Variants in GCNT1 observed in about 807,000 individuals in gnomAD.
GCNT1 encodes the protein glucosaminyl (N-acetyl) transferase 1, also known as beta-1,3-galactosyl-O-glycosyl-glycoprotein beta-1,6-N-acetylglucosaminyltransferase.
GCNT1 carries 16 observed loss-of-function variants against 26.2 expected under a neutral mutation model. That is an observed-to-expected ratio of 0.61 (90% CI 0.41 to 0.93). The LOEUF (loss-of-function observed/expected upper bound fraction) is 0.93. GCNT1 is among the 40% of genes least tolerant of loss of function. The probability of loss-of-function intolerance (pLI) is 0.00; values close to 1 mark genes in which losing one functional copy is unlikely to be tolerated. For missense variants in GCNT1, 477 were observed against 526.7 expected (o/e 0.91, Z 0.92); for synonymous variants, 183 against 190.8 (o/e 0.96, Z 0.34).
At chr9:76,455,323 C>G (rs1362083476), upstream of GCNT1, among the ~76,000 whole-genome samples, 2 of 152,120 alleles carry the variant, frequency 1.3e-5, no homozygotes, top group African/African-American at 4.8e-5. Flanking sequence ...GAAGTTTGAT[C>G]AAGTAAGGTA....
At chr9:76,402,458 C>A in the GCNT1 span, among the ~76,000 whole-genome samples, 1 of 152,154 alleles carries the variant, frequency 6.6e-6, no homozygotes, top group African/African-American at 2.4e-5. Context: ...GTAAATTACT[C>A]ATCTGGTCTA....
At position 76,507,158 on chromosome 9, in the gene GCNT1, AG is replaced by A. The variant is rs1825259723; in HGVS notation, c.*3491del. 1 of 167,048 alleles carries A rather than the reference AG, an allele frequency of 6.0e-6. No individual in the cohort carries two copies. The highest frequency in any genetic ancestry group is 1.5e-5 in the Non-Finnish European group (1 of 68,110). 10.3% of individuals were successfully genotyped at this position (167,048 alleles called of 1,614,324 possible). On this transcript the variant is annotated 3_prime_UTR_variant, in exon 4 of 4. Transcript: ENST00000376730. ...GTTATTTACTGAATACTGTTGTGAA[AG>A]TGAAAAACAATGATTGTATGGGTAC...
At chr9:76,493,414 A>G (rs1369938344) in intron 2 of GCNT1, among the ~76,000 whole-genome samples, 2 of 152,178 alleles carry the variant, frequency 1.3e-5, no homozygotes, top group Non-Finnish European at 2.9e-5. Flanking sequence ...CATCTCTCCA[A>G]GTGAGATCAA....
intron 2 of GCNT1, among the ~76,000 whole-genome samples, chr9:76,487,054 C>G (rs1305669277): frequency 6.6e-6 from 1 of 152,212 alleles, no homozygotes; most frequent in Non-Finnish European, 1.5e-5. Context: ...AAGCAGCTCA[C>G]TGCAGGGAGT....
At chr9:76,462,976 C>A (rs1025267876) in intron 2 of GCNT1, among the ~76,000 whole-genome samples, 1 of 152,160 alleles carries the variant, frequency 6.6e-6, no homozygotes, top group African/African-American at 2.4e-5. Context: ...GAAAAATTAA[C>A]CTCTTTTTAG....
Position 76,504,825 on chromosome 9 carries a change from T to C in GCNT1, c.*1157T>C, listed in dbSNP as rs1825193579. On this transcript the variant is annotated 3_prime_UTR_variant, in exon 4 of 4. Transcript: ENST00000376730. Reference sequence around the variant, plus strand: ...CCTGGGTGGTAAGTTTCCTCCTTTCTCAACCTTCCACGAGGAGGAAAGAAG... The same window carrying C: ...CCTGGGTGGTAAGTTTCCTCCTTTCCCAACCTTCCACGAGGAGGAAAGAAG... 4.8e-6 allele frequency: 2 copies of C among 413,380 alleles called. No individual in the cohort carries two copies. Among genetic ancestry groups the C allele is most frequent in the Non-Finnish European group, 8.8e-6 (2 of 226,148 alleles). The allele number at this position is 413,380 out of a possible 1,614,324, so 25.6% of individuals were successfully genotyped here. A position where few individuals can be genotyped will look rare whatever the true frequency, so the allele number is the denominator to read the frequency against.
intron 1 of GCNT1, among the ~76,000 whole-genome samples, chr9:76,431,002 C>G (rs747336717): frequency 6.6e-6 from 1 of 152,080 alleles, no homozygotes; most frequent in Non-Finnish European, 1.5e-5. Flanking sequence ...CTTAAAGTAA[C>G]ATGCACACAC....
chr9:76,457,828 A>G (rs1823784565), upstream of GCNT1, among the ~76,000 whole-genome samples: 1 of 152,152 alleles, frequency 6.6e-6, no homozygotes, highest in African/African-American at 2.4e-5. Context: ...ATATTAAACA[A>G]AGCTAGCCAT....
chr9:76,425,720 G>T (rs1381193877), intron 1 of GCNT1, among the ~76,000 whole-genome samples: 2 of 152,104 alleles, frequency 1.3e-5, no homozygotes, highest in East Asian at 3.9e-4. Flanking sequence ...ACTGAAATCG[G>T]TCTCCCTGAA....
intron 2 of GCNT1, among the ~76,000 whole-genome samples, chr9:76,483,000 G>A (rs1824462581): frequency 1.3e-5 from 2 of 151,668 alleles, no homozygotes; most frequent in African/African-American, 4.9e-5. Context: ...ATTTTATAAT[G>A]TTAATATGTA....
chr9:76,495,011 C>A (rs1158207459), intron 2 of GCNT1, among the ~76,000 whole-genome samples: 2 of 152,158 alleles, frequency 1.3e-5, no homozygotes, highest in Non-Finnish European at 2.9e-5. Context: ...AAACCTGACA[C>A]CCGTATCTTT....
intron 1 of GCNT1, among the ~76,000 whole-genome samples, chr9:76,425,875 G>A (rs1309229866): frequency 1.3e-5 from 2 of 152,110 alleles, no homozygotes; most frequent in African/African-American, 2.4e-5. Flanking sequence ...GGGGCCACAA[G>A]ATCAGATGAA....
chr9:76,395,661 A>G, the GCNT1 span, among the ~76,000 whole-genome samples: 1 of 152,164 alleles, frequency 6.6e-6, no homozygotes, highest in African/African-American at 2.4e-5. Context: ...GAAAGGGAAG[A>G]AAAGGGAAGG....
chr9:76,471,491 A>T (rs1272150336), intron 2 of GCNT1, among the ~76,000 whole-genome samples: 1 of 152,194 alleles, frequency 6.6e-6, no homozygotes, highest in African/African-American at 2.4e-5. Flanking sequence ...AAACCCGTGC[A>T]TGTATGTCTC....
rs1229446091 is a variant in GCNT1, at chr9:76,507,404, A to G, written c.*3736A>G. 3 of 166,540 alleles carry G rather than the reference A, an allele frequency of 1.8e-5. No homozygotes were observed. Among genetic ancestry groups the G allele is most frequent in the Non-Finnish European group, 4.4e-5 (3 of 68,112 alleles). 10.3% of individuals were successfully genotyped at this position (166,540 alleles called of 1,614,324 possible). A position where few individuals can be genotyped will look rare whatever the true frequency, so the allele number is the denominator to read the frequency against. On this transcript the variant is annotated 3_prime_UTR_variant, in exon 4 of 4. Transcript: ENST00000376730. The stretch of plus-strand genomic sequence containing the variant: ...GTTCATATCACCATTAAAATCATCC[A>G]TTCAGAAACCAAGGCCTTGTCTGCA...
chr9:76,496,571 G>C (rs761534359), intron 2 of GCNT1, among the ~76,000 whole-genome samples: 4 of 150,596 alleles, frequency 2.7e-5, no homozygotes, highest in Non-Finnish European at 5.9e-5. Flanking sequence ...TGTCTATCTG[G>C]TGGTGCTGAC....
intron 1 of GCNT1, among the ~76,000 whole-genome samples, chr9:76,446,220 C>T (rs1404725638): frequency 6.6e-6 from 1 of 152,088 alleles, no homozygotes; most frequent in Non-Finnish European, 1.5e-5. Context: ...AGAGATTATG[C>T]AGGAATGCAC....
chr9:76,443,918 G>A lies in GCNT1; in HGVS notation c.-290+1603G>A, dbSNP rs895588039. Among the ~76,000 whole-genome samples the A allele has an allele frequency of 5.6e-3, 331 of 59,136 alleles. 1 individual carries two copies. The highest frequency in any genetic ancestry group is 0.022 in the African/African-American group (322 of 14,816). The allele number at this position is 59,136 out of a possible 152,430, so 38.8% of individuals were successfully genotyped here. A position where few individuals can be genotyped will look rare whatever the true frequency, so the allele number is the denominator to read the frequency against. On this transcript the variant is annotated intron_variant, in intron 1 of 2. Transcript: ENST00000442371. ...GAAAGAAAGGAAGAAAGGAAGAAAG[G>A]AAGAAAGGAAGAAAGGAAGGAAGGA...
intron 1 of GCNT1, among the ~76,000 whole-genome samples, chr9:76,429,721 T>C (rs889144427): frequency 1.3e-5 from 2 of 149,044 alleles, no homozygotes; most frequent in African/African-American, 4.9e-5. Context: ...CTTTCTTTTT[T>C]TTTTTTTTTT....
Sources: gnomAD v4.1 joint callset for allele counts (sites outside exome capture counted in the v4.1 genomes callset) on GRCh38, gnomAD v4.1.1 for gene constraint, MANE v1.5 for transcripts, NCBI Gene and HGNC (gene_info 2026-07-23, HGNC 2026-07-21) for gene names.